Variants in TENM4 observed in about 807,000 individuals in gnomAD.
TENM4 encodes teneurin transmembrane protein 4.
A neutral mutation model predicts 243.3 loss-of-function variants in TENM4; 82 were observed. The observed-to-expected ratio is 0.34, with a 90% CI of 0.28 to 0.40. The LOEUF (loss-of-function observed/expected upper bound fraction) is 0.40. Among genes scored for constraint, TENM4 ranks in the 10% least tolerant of loss-of-function variants. The pLI, the probability that TENM4 is intolerant of heterozygous loss-of-function variation, is 1.00. For synonymous variants in TENM4, 1,412 were observed against 1,456.3 expected (o/e 0.97, Z 0.69); for missense variants, 3,138 against 3,673.3 (o/e 0.85, Z 3.77).
intron 3 of TENM4, among the ~76,000 whole-genome samples, chr11:79,188,063 A>C (rs1863410354): frequency 1.3e-5 from 2 of 152,178 alleles, no homozygotes; most frequent in South Asian, 4.1e-4. Context: ...CATGCCAAAC[A>C]CTCACTCATG....
At chr11:79,035,688 C>T (rs972928962) in intron 6 of TENM4, among the ~76,000 whole-genome samples, 1 of 152,188 alleles carries the variant, frequency 6.6e-6, no homozygotes, top group South Asian at 2.1e-4. Flanking sequence ...TTATTCTATG[C>T]TGTGTTGTTA....
At chr11:79,123,097 T>G (rs1041713509) in intron 4 of TENM4, among the ~76,000 whole-genome samples, 8 of 152,122 alleles carry the variant, frequency 5.3e-5, no homozygotes, top group Non-Finnish European at 1.2e-4. Context: ...GAATCTTCAG[T>G]CTGCTGGGAA....
At chr11:79,317,569 T>C (rs1856823430) in intron 1 of TENM4, among the ~76,000 whole-genome samples, 1 of 152,078 alleles carries the variant, frequency 6.6e-6, no homozygotes, top group African/African-American at 2.4e-5. Flanking sequence ...AACAATAGGG[T>C]GAGTATTACA....
At chr11:78,905,173 T>C (rs1336058230) in intron 6 of TENM4, among the ~76,000 whole-genome samples, 1 of 152,240 alleles carries the variant, frequency 6.6e-6, no homozygotes. Context: ...ATGAGAATTC[T>C]GTATTTTATA....
At chr11:79,166,211 T>A (rs1247098464) in intron 3 of TENM4, among the ~76,000 whole-genome samples, 1 of 152,206 alleles carries the variant, frequency 6.6e-6, no homozygotes, top group East Asian at 1.9e-4. Context: ...TTTGACTTGA[T>A]GTAAGTCAAG....
intron 6 of TENM4, among the ~76,000 whole-genome samples, chr11:79,019,461 A>G (rs1858866976): frequency 1.3e-5 from 2 of 152,154 alleles, no homozygotes; most frequent in Non-Finnish European, 2.9e-5. Flanking sequence ...CCCCTCAACT[A>G]GCCATAATAG....
At chr11:78,911,319 A>T (rs1470779183) in intron 6 of TENM4, among the ~76,000 whole-genome samples, 1 of 152,140 alleles carries the variant, frequency 6.6e-6, no homozygotes, top group African/African-American at 2.4e-5. Context: ...CTACTGTAAG[A>T]CTTTATTCTC....
chr11:79,114,456 G>A (rs1344992365), intron 4 of TENM4, among the ~76,000 whole-genome samples: 4 of 152,226 alleles, frequency 2.6e-5, no homozygotes, highest in Non-Finnish European at 1.5e-5. Context: ...CAGTGAAACT[G>A]TAAAAGTCCC....
chr11:78,977,402 T>C (rs1183697692), intron 6 of TENM4, among the ~76,000 whole-genome samples: 1 of 152,260 alleles, frequency 6.6e-6, no homozygotes, highest in Non-Finnish European at 1.5e-5. Flanking sequence ...AACACTGTCC[T>C]TGTGGAACTT....
chr11:79,422,048 A>T (rs980985988), intron 1 of TENM4: 3 of 152,838 alleles, frequency 2.0e-5, no homozygotes, highest in Non-Finnish European at 4.4e-5. Context: ...GGGCTGCAAC[A>T]ATCTTCCCAT....
chr11:79,069,742 G>T lies in TENM4; in HGVS notation c.203C>A (p.Ala68Asp). The T allele has an allele frequency of 6.4e-7, 1 of 1,550,818 alleles. No homozygotes were observed. The highest frequency in any genetic ancestry group is 2.4e-5 in the East Asian group (1 of 40,914). The change falls in exon 5 of 34, where the codon GCC (alanine) becomes GAC (aspartate). Residue 68 changes from alanine to aspartate, a missense_variant. Physicochemically the swap from Ala to Asp is moderately radical, Grantham distance 126 (BLOSUM62 -2). This residue lies in a region of TENM4 where 671 missense variants were observed against 614.1 expected (regional missense o/e 1.09). Coordinates refer to ENST00000278550, the MANE Select transcript of TENM4 (RefSeq NM_001098816.3). ...SRVKDIVPQE[A>D]EEFCRTGANF... ...CTTACCTGTGCGGCAGAATTCCTCGGCCTCCTGCGGCACAATGTCCTTGAC... is the reference window on the plus strand; with the variant it reads ...CTTACCTGTGCGGCAGAATTCCTCGTCCTCCTGCGGCACAATGTCCTTGAC...
intron 2 of TENM4, among the ~76,000 whole-genome samples, chr11:79,268,339 CA>C (rs1358531871): frequency 6.6e-6 from 1 of 152,178 alleles, no homozygotes; most frequent in Non-Finnish European, 1.5e-5. Flanking sequence ...ACTTTGTTTA[CA>C]AAACAGGCAA....
intron 4 of TENM4, among the ~76,000 whole-genome samples, chr11:79,098,471 C>A (rs577681679): frequency 1.3e-5 from 2 of 152,158 alleles, no homozygotes; most frequent in Non-Finnish European, 2.9e-5. Flanking sequence ...CTGAGAGAGT[C>A]CAAGTAGAAA....
At chr11:78,662,902 G>C (rs768281848) in intron 32 of TENM4, among the ~76,000 whole-genome samples, 3 of 140,374 alleles carry the variant, frequency 2.1e-5, no homozygotes, top group Non-Finnish European at 5.0e-5. Context: ...ACTGAAAGCT[G>C]TGCCATTTTT....
At chr11:79,323,882 T>C (rs1226688603) in intron 1 of TENM4, among the ~76,000 whole-genome samples, 1 of 149,904 alleles carries the variant, frequency 6.7e-6, no homozygotes, top group African/African-American at 2.5e-5. Context: ...TCCATCCCTA[T>C]ACACACACAC....
Position 78,965,307 on chromosome 11 carries a change from G to A in TENM4, c.494-61784C>T, listed in dbSNP as rs548466275. Among the ~76,000 whole-genome samples, 7 of 151,770 alleles carry A rather than the reference G, an allele frequency of 4.6e-5. No individual in the cohort carries two copies. In the East Asian group the frequency reaches 7.7e-4, roughly 17 times the overall value. ...AATATCTATTAAAGGTAACAAAACCGCCCCACCAAGAACCACATTCATGAC... is the reference window on the plus strand; with the variant it reads ...AATATCTATTAAAGGTAACAAAACCACCCCACCAAGAACCACATTCATGAC... On this transcript the variant is annotated intron_variant, in intron 6 of 33. Transcript: ENST00000278550.
chr11:79,250,136 C>T (rs1390488904), intron 2 of TENM4, among the ~76,000 whole-genome samples: 1 of 152,144 alleles, frequency 6.6e-6, no homozygotes, highest in Non-Finnish European at 1.5e-5. Context: ...CAGGTGAGCA[C>T]CACCATGCCC....
intron 29 of TENM4, 144 bp downstream of exon 29, chr11:78,687,910 G>A: frequency 1.2e-6 from 1 of 850,670 alleles, no homozygotes; most frequent in East Asian, 2.6e-5. Flanking sequence ...GGTATATTTT[G>A]CAAATTAGGT....
chr11:78,780,784 A>G (rs1856824962), intron 16 of TENM4, among the ~76,000 whole-genome samples: 1 of 152,224 alleles, frequency 6.6e-6, no homozygotes, highest in Non-Finnish European at 1.5e-5. Flanking sequence ...TGTTTTTGAT[A>G]CCTTTAAAAA....
Sources: gnomAD v4.1 joint callset for allele counts (sites outside exome capture counted in the v4.1 genomes callset) on GRCh38, gnomAD v4.1.1 for gene constraint, gnomAD v4.1.1 regional missense constraint, MANE v1.5 for transcripts, NCBI Gene and HGNC (gene_info 2026-07-23, HGNC 2026-07-21) for gene names.